DSCAM: variants seen among roughly 807,000 people sequenced by gnomAD.
DSCAM encodes DS cell adhesion molecule, also known as cell adhesion molecule DSCAM.
A neutral mutation model predicts 217.7 loss-of-function variants in DSCAM; 47 were observed. The ratio of observed to expected loss-of-function variants is 0.22; its 90% CI spans 0.17 to 0.28. The LOEUF (loss-of-function observed/expected upper bound fraction) is 0.28. Ranked by LOEUF, DSCAM falls within the 10% of genes least tolerant of loss-of-function variation. The pLI is 1.00. For synonymous variants in DSCAM, 1,056 were observed against 1,015.3 expected, an observed-to-expected ratio of 1.04 and a Z score of -0.76; for missense variants, 2,080 against 2,618.3, an observed-to-expected ratio of 0.79 and a Z score of 4.49.
chr21:40,764,440 T>C (rs1459958052), intron 1 of DSCAM, among the ~76,000 whole-genome samples: 3 of 151,874 alleles, frequency 2.0e-5, no homozygotes, highest in Non-Finnish European at 4.4e-5. Context: ...CATTAAGAAG[T>C]CTGGAAACAA....
chr21:40,152,007 TGGGTTACA>T (rs2090427632), intron 16 of DSCAM, among the ~76,000 whole-genome samples: 1 of 152,064 alleles, frequency 6.6e-6, no homozygotes, highest in African/African-American at 2.4e-5. Flanking sequence ...AGCCAGCCGG[TGGGTTACA>T]TGTTTTTATG....
chr21:40,178,588 C>T (rs1041346912), intron 15 of DSCAM, among the ~76,000 whole-genome samples: 10 of 152,174 alleles, frequency 6.6e-5, no homozygotes, highest in African/African-American at 2.4e-4. Flanking sequence ...AAGAAACACA[C>T]TCACGGTTCT....
At chr21:40,368,151 T>C (rs9980938) in intron 4 of DSCAM, among the ~76,000 whole-genome samples, 36,998 of 152,044 alleles carry the variant, frequency 0.24, 5,815 homozygotes, top group South Asian at 0.45. Context: ...ATTAATTTTA[T>C]ATCAGGATCC....
chr21:40,249,919 C>G (rs57637916), intron 11 of DSCAM, among the ~76,000 whole-genome samples: 2,701 of 152,280 alleles, frequency 0.018, 67 homozygotes, highest in African/African-American at 0.062. Flanking sequence ...ATCAAGGCCT[C>G]CTGGCACTAT....
intron 11 of DSCAM, among the ~76,000 whole-genome samples, chr21:40,218,172 TGTTG>T: frequency 6.6e-6 from 1 of 152,246 alleles, no homozygotes; most frequent in African/African-American, 2.4e-5. Context: ...TTTTTGTACA[TGTTG>T]TAAGAAAGGG....
intron 3 of DSCAM, among the ~76,000 whole-genome samples, chr21:40,449,511 T>C (rs997742004): frequency 2.0e-5 from 3 of 152,162 alleles, no homozygotes; most frequent in African/African-American, 7.2e-5. Flanking sequence ...GAAATCAAAA[T>C]AAACTTGTAC....
chr21:40,436,612 CT>C (rs2075585080), intron 3 of DSCAM, among the ~76,000 whole-genome samples: 1 of 152,182 alleles, frequency 6.6e-6, no homozygotes, highest in African/African-American at 2.4e-5. Context: ...TCACCTGAGA[CT>C]TGTTTGGCAG....
At chr21:40,686,407 ACG>A (rs904788496) in intron 3 of DSCAM, among the ~76,000 whole-genome samples, 3 of 151,558 alleles carry the variant, frequency 2.0e-5, no homozygotes, top group African/African-American at 7.3e-5. Flanking sequence ...CACCACACAC[ACG>A]TATGCACACA....
chr21:40,020,356 CCTTCCTTCTTTT>C (rs1223805676), intron 32 of DSCAM, among the ~76,000 whole-genome samples: 1 of 152,186 alleles, frequency 6.6e-6, no homozygotes, highest in Non-Finnish European at 1.5e-5. Context: ...TTCCTTCCTT[CCTTCCTTCTTTT>C]CCTTGTTTTG....
chr21:40,751,975 A>C (rs2091233760), intron 1 of DSCAM, among the ~76,000 whole-genome samples: 1 of 152,126 alleles, frequency 6.6e-6, no homozygotes, highest in Admixed American at 6.5e-5. Flanking sequence ...CTGCATTACC[A>C]GCTCACTGTG....
chr21:40,106,948 G>A (rs115598103), intron 20 of DSCAM, among the ~76,000 whole-genome samples: 124 of 150,346 alleles, frequency 8.2e-4, no homozygotes, highest in African/African-American at 2.4e-3. Flanking sequence ...TCCATTGAAT[G>A]GTTTTTCATG....
Position 40,638,414 on chromosome 21 carries a change from C to T in DSCAM, c.508+54396G>A, listed in dbSNP as rs181323428. ...TATCAAAAATGAATTTATGCATTCA[C>T]CATTAGAAGCAGATGCAAGACTATA... On this transcript the variant is annotated intron_variant, in intron 3 of 32. Transcript: ENST00000400454. 2.8e-3 allele frequency among the ~76,000 whole-genome samples: 420 copies of T among 152,270 alleles called. 4 individuals are homozygous for T. The highest frequency in any genetic ancestry group is 9.4e-3 in the African/African-American group (390 of 41,562).
At chr21:40,148,155 G>C (rs1350952381) in intron 16 of DSCAM, among the ~76,000 whole-genome samples, 8 of 152,130 alleles carry the variant, frequency 5.3e-5, no homozygotes, top group Non-Finnish European at 7.4e-5. Context: ...ATATGGAGTA[G>C]AGTTATGCGT....
At chr21:40,811,645 G>A (rs1349425530) in intron 1 of DSCAM, among the ~76,000 whole-genome samples, 1 of 152,220 alleles carries the variant, frequency 6.6e-6, no homozygotes, top group African/African-American at 2.4e-5. Flanking sequence ...AACAAAGGCT[G>A]ATGCAGACAG....
chr21:40,334,794 C>T (rs997362083), intron 8 of DSCAM, among the ~76,000 whole-genome samples: 7 of 152,098 alleles, frequency 4.6e-5, no homozygotes, highest in Non-Finnish European at 8.8e-5. Context: ...ACTACGGGCT[C>T]GTCCCACCTT....
intron 3 of DSCAM, among the ~76,000 whole-genome samples, chr21:40,427,178 A>G (rs1403406548): frequency 6.6e-6 from 1 of 152,108 alleles, no homozygotes; most frequent in African/African-American, 2.4e-5. Flanking sequence ...CTGGTCATGG[A>G]CCTGTCTGTC....
intron 19 of DSCAM, among the ~76,000 whole-genome samples, chr21:40,131,603 T>C (rs999442124): frequency 6.6e-6 from 1 of 152,178 alleles, no homozygotes; most frequent in African/African-American, 2.4e-5. Context: ...TTTTGCATTT[T>C]TAGTAGAGAC....
intron 1 of DSCAM, among the ~76,000 whole-genome samples, chr21:40,819,434 C>T (rs1439920965): frequency 6.6e-6 from 1 of 151,900 alleles, no homozygotes; most frequent in East Asian, 1.9e-4. Context: ...TGTTGAGTCT[C>T]AGGAAACAAC....
intron 28 of DSCAM, among the ~76,000 whole-genome samples, chr21:40,060,521 A>G (rs2089100119): frequency 7.8e-6 from 1 of 128,712 alleles, no homozygotes; most frequent in Non-Finnish European, 1.6e-5. Context: ...AGCTCTCTGG[A>G]GGGCTGAAGG....
Sources: allele counts gnomAD v4.1 joint callset (sites outside exome capture counted in the v4.1 genomes callset), GRCh38; gene constraint gnomAD v4.1.1; transcripts MANE v1.5; gene names NCBI Gene and HGNC (gene_info 2026-07-23, HGNC 2026-07-21).